Variants in AMZ2 observed in about 807,000 individuals in gnomAD.
AMZ2 encodes archaelysin family metallopeptidase 2.
AMZ2 carries 26 observed loss-of-function variants against 36.7 expected under a neutral mutation model. The observed-to-expected ratio is 0.71, with a 90% confidence interval of 0.52 to 0.98. The LOEUF is 0.98. Among genes scored for constraint, AMZ2 ranks in the 50% least tolerant of loss-of-function variants. AMZ2 has a pLI of 0.00. For synonymous variants in AMZ2, 144 were observed against 149.1 expected (o/e 0.97, Z 0.25); for missense variants, 394 against 430.5 (o/e 0.92, Z 0.75).
chr17:68,212,256 C>T (rs1248671099), intron 1 of AMZ2, among the ~76,000 whole-genome samples: 2 of 152,184 alleles, frequency 1.3e-5, no homozygotes, highest in Non-Finnish European at 2.9e-5. Flanking sequence ...CCTGTAGTTC[C>T]AGCTACTTGA....
At chr17:68,243,495 G>T (rs1368351169), upstream of AMZ2, among the ~76,000 whole-genome samples, 1 of 152,150 alleles carries the variant, frequency 6.6e-6, no homozygotes, top group Non-Finnish European at 1.5e-5. Context: ...GTAATTTATG[G>T]TCTATGATTA....
At chr17:68,209,604 G>GTGTATA (rs1324576987) in intron 1 of AMZ2, among the ~76,000 whole-genome samples, 5 of 117,756 alleles carry the variant, frequency 4.2e-5, no homozygotes, top group African/African-American at 1.8e-4. Flanking sequence ...GTGTGTGTGT[G>GTGTATA]TATATGTATA....
At chr17:68,248,746 G>C in intron 1 of AMZ2, 41 bp downstream of exon 1, 1 of 993,336 alleles carries the variant, frequency 1.0e-6, no homozygotes, top group Non-Finnish European at 1.2e-6. Context: ...TTTATATTTT[G>C]TCCTGTAGAA....
At chr17:68,214,330 C>T (rs868985233) in intron 1 of AMZ2, among the ~76,000 whole-genome samples, 7 of 152,254 alleles carry the variant, frequency 4.6e-5, no homozygotes, top group Middle Eastern at 3.4e-3. Context: ...CATGGAAAGG[C>T]CTTTTCCTGT....
chr17:68,220,689 C>G (rs1407517772), intron 1 of AMZ2, among the ~76,000 whole-genome samples: 2 of 151,878 alleles, frequency 1.3e-5, no homozygotes, highest in African/African-American at 2.4e-5. Flanking sequence ...AGATACCATT[C>G]GAGGGGACTA....
intron 5 of AMZ2, 137 bp downstream of exon 5, chr17:68,254,704 C>A: frequency 1.3e-6 from 1 of 743,174 alleles, no homozygotes; most frequent in Non-Finnish European, 2.1e-6. Context: ...TAGTGCTTGA[C>A]TGAAATGATC....
intron 1 of AMZ2, among the ~76,000 whole-genome samples, chr17:68,223,169 G>T (rs1806063591): frequency 6.6e-6 from 1 of 152,232 alleles, no homozygotes; most frequent in Non-Finnish European, 1.5e-5. Context: ...CAAATTTTGT[G>T]TATGTTTGAA....
upstream of AMZ2, chr17:68,247,618 C>T (rs1568369678): frequency 1.0e-6 from 1 of 985,306 alleles, no homozygotes; most frequent in Non-Finnish European, 1.2e-6. Flanking sequence ...CCGGGGAGCG[C>T]TGCGGCTCTA....
At chr17:68,209,634 T>TATATATGTATATATA in intron 1 of AMZ2, among the ~76,000 whole-genome samples, 1 of 84,704 alleles carries the variant, frequency 1.2e-5, no homozygotes, top group Non-Finnish European at 2.8e-5. Flanking sequence ...ATATATATAT[T>TATATATGTATATATA]TTTTTTTTTT....
chr17:68,243,883 G>A (rs1555734597), upstream of AMZ2, among the ~76,000 whole-genome samples: 1 of 152,198 alleles, frequency 6.6e-6, no homozygotes, highest in African/African-American at 2.4e-5. Flanking sequence ...CAATACTACA[G>A]TGAAGGGCAG....
At chr17:68,232,904 G>C (rs144119402) in intron 1 of AMZ2, among the ~76,000 whole-genome samples, 2 of 152,348 alleles carry the variant, frequency 1.3e-5, no homozygotes, top group African/African-American at 4.8e-5. Context: ...TCCAGGCTGA[G>C]ATGGCTTGGA....
chr17:68,254,265 C>A, intron 4 of AMZ2, 139 bp from the exon 5 acceptor site: 2 of 746,694 alleles, frequency 2.7e-6, no homozygotes, highest in Non-Finnish European at 4.1e-6. Context: ...TGGTGGCAAA[C>A]CATAAGTGTA....
chr17:68,244,363 T>G (rs548559533), upstream of AMZ2, among the ~76,000 whole-genome samples: 1 of 152,208 alleles, frequency 6.6e-6, no homozygotes, highest in Admixed American at 6.5e-5. Context: ...CTCAGCTCAC[T>G]GCAACCTCCG....
intron 1 of AMZ2, among the ~76,000 whole-genome samples, chr17:68,239,012 A>G (rs1555733478): frequency 6.6e-6 from 1 of 152,198 alleles, no homozygotes; most frequent in African/African-American, 2.4e-5. Flanking sequence ...GGACCAAAGA[A>G]TGTGTTTCCC....
chr17:68,254,327 C>CCAGCAGTCTCTTCTTTCTTTGGT, intron 4 of AMZ2, 77 bp from the exon 5 acceptor site: 1 of 1,441,858 alleles, frequency 6.9e-7, no homozygotes, highest in Non-Finnish European at 9.4e-7. Flanking sequence ...GCCAGATGGG[C>CCAGCAGTCTCTTCTTTCTTTGGT]CAGCAGTCTC....
chr17:68,211,478 G>A (rs2144481321), intron 1 of AMZ2, among the ~76,000 whole-genome samples: 1 of 149,738 alleles, frequency 6.7e-6, no homozygotes, highest in East Asian at 2.0e-4. Context: ...ACTCCAGCCT[G>A]GGCAACAAAG....
intron 1 of AMZ2, among the ~76,000 whole-genome samples, chr17:68,236,566 C>CTTT (rs782220711): frequency 1.5e-3 from 155 of 102,986 alleles, no homozygotes; most frequent in East Asian, 2.6e-3. Flanking sequence ...GGCAAACATC[C>CTTT]TTTTTTTTTT....
At chr17:68,247,953 G>C (rs1417090121), upstream of AMZ2, 2 of 984,638 alleles carry the variant, frequency 2.0e-6, no homozygotes, top group African/African-American at 3.5e-5. Context: ...TGGGTGGGTC[G>C]TGAGTTGGGC....
At chr17:68,238,066 T>G (rs1326893476) in intron 1 of AMZ2, among the ~76,000 whole-genome samples, 4 of 152,238 alleles carry the variant, frequency 2.6e-5, no homozygotes, top group Admixed American at 2.0e-4. Flanking sequence ...AAAGAAAAAC[T>G]GAAAATTTCA....
Sources: allele counts gnomAD v4.1 joint callset (sites outside exome capture counted in the v4.1 genomes callset), GRCh38; gene constraint gnomAD v4.1.1; transcripts MANE v1.5; gene names NCBI Gene and HGNC (gene_info 2026-07-23, HGNC 2026-07-21).